The following EMC2 variants were observed in gnomAD, a reference collection of about 807,000 sequenced individuals.
EMC2 encodes the protein ER membrane protein complex subunit 2.
In EMC2, 37 loss-of-function variants were observed where a neutral mutation model predicts 51.6. The ratio of observed to expected loss-of-function variants is 0.72; its 90% CI spans 0.55 to 0.94. EMC2 has a LOEUF of 0.94. Ranked by LOEUF, EMC2 falls within the 40% of genes least tolerant of loss-of-function variation. The pLI is 0.00. For synonymous variants in EMC2, 131 were observed against 112.4 expected, an observed-to-expected ratio of 1.17 and a Z score of -1.04; for missense variants, 359 against 350.9, an observed-to-expected ratio of 1.02 and a Z score of -0.18.
At chr8:108,448,660 C>A (rs1251192684) in intron 1 of EMC2, among the ~76,000 whole-genome samples, 1 of 152,144 alleles carries the variant, frequency 6.6e-6, no homozygotes, top group Non-Finnish European at 1.5e-5. Flanking sequence ...TCCAGTTAAA[C>A]CTCTTTCTTT....
At chr8:108,459,224 ATCT>A (rs895855188) in intron 5 of EMC2, among the ~76,000 whole-genome samples, 4 of 152,266 alleles carry the variant, frequency 2.6e-5, no homozygotes, top group South Asian at 4.2e-4. Flanking sequence ...ACATTTTCCC[ATCT>A]TCTTCTGACC....
intron 10 of EMC2, among the ~76,000 whole-genome samples, chr8:108,482,367 TTCTTACTTTTTTGCTCATATGA>T (rs1396177464): frequency 5.3e-4 from 81 of 152,300 alleles, no homozygotes; most frequent in African/African-American, 1.8e-3. Flanking sequence ...TATGTATAAC[TTCTTACTTTTTTGCTCATATGA>T]TCTTGATGAA....
intron 5 of EMC2, among the ~76,000 whole-genome samples, chr8:108,462,188 G>A (rs1011546913): frequency 6.6e-6 from 1 of 151,666 alleles, no homozygotes; most frequent in Non-Finnish European, 1.5e-5. Flanking sequence ...GTGTGTGTGT[G>A]TGTTTGTGTG....
chr8:108,460,451 G>A (rs949098172), intron 5 of EMC2, among the ~76,000 whole-genome samples: 18 of 152,124 alleles, frequency 1.2e-4, no homozygotes, highest in African/African-American at 4.1e-4. Context: ...AATCCAAAGT[G>A]CCTCAAAATT....
intron 5 of EMC2, among the ~76,000 whole-genome samples, chr8:108,466,442 A>ATTTTT (rs869102478): frequency 1.1e-5 from 1 of 91,036 alleles, no homozygotes; most frequent in South Asian, 4.2e-4. Context: ...CTATGATAGA[A>ATTTTT]TTTTTTTTTT....
intron 5 of EMC2, among the ~76,000 whole-genome samples, chr8:108,457,753 G>A (rs964165710): frequency 2.0e-5 from 3 of 152,182 alleles, no homozygotes; most frequent in Non-Finnish European, 4.4e-5. Context: ...AGATTTGGGT[G>A]AGGACACAGT....
rs763273610 is a variant in EMC2, at chr8:108,475,953, A to G, written c.581A>G (p.Gln194Arg). The G allele has an allele frequency of 1.9e-6, 3 of 1,566,634 alleles. No individual in the cohort carries two copies. In the South Asian group the frequency reaches 3.5e-5, roughly 18 times the overall value. Residue 194 changes from glutamine (Q) to arginine (R), a missense_variant, in exon 8 of 11, where the codon CAG (glutamine) becomes CGG (arginine). By Grantham distance (43) the Gln-to-Arg change is conservative (BLOSUM62 1). Coordinates refer to ENST00000220853, the MANE Select transcript of EMC2 (RefSeq NM_014673.5). The part of the protein sequence containing the change: ...TNPHNHLYCQ[Q>R]YAEVKYTQGG... Reference sequence around the variant, plus strand: ...CCACACAACCACTTATACTGTCAGCAGTATGCTGAAGTAAGTGTTTTCAGA... The same window carrying G: ...CCACACAACCACTTATACTGTCAGCGGTATGCTGAAGTAAGTGTTTTCAGA...
chr8:108,468,865 C>A (rs1272786970), intron 5 of EMC2, among the ~76,000 whole-genome samples: 1 of 152,130 alleles, frequency 6.6e-6, no homozygotes, highest in African/African-American at 2.4e-5. Context: ...TTACTTCAGC[C>A]AGTACTGCTT....
chr8:108,475,710 A>G, intron 7 of EMC2, 172 bp from the exon 8 acceptor site: 1 of 523,628 alleles, frequency 1.9e-6, no homozygotes, highest in Non-Finnish European at 3.4e-6. Flanking sequence ...ATTTAATGTC[A>G]TTGATATTTA....
chr8:108,457,401 C>G (rs1023824018), intron 5 of EMC2, among the ~76,000 whole-genome samples: 81 of 149,520 alleles, frequency 5.4e-4, no homozygotes, highest in African/African-American at 1.9e-3. Flanking sequence ...TTCATGCTGT[C>G]TATGTATTAG....
intron 5 of EMC2, among the ~76,000 whole-genome samples, chr8:108,466,390 C>G (rs1819465430): frequency 6.9e-6 from 1 of 145,678 alleles, no homozygotes; most frequent in Non-Finnish European, 1.5e-5. Flanking sequence ...TTTTAAAAAT[C>G]TAAGTATAAT....
At position 108,470,125 on chromosome 8, in the gene EMC2, A is replaced by T; in HGVS notation, c.509+4A>T. On this transcript the variant is annotated splice_donor_region_variant and intron_variant, in intron 7 of 10. Transcript: ENST00000220853. ...AACTTTACATCAATGAACATGAGTAAGTTATTAAACACACAACATTTTGTT... is the reference window on the plus strand; with the variant it reads ...AACTTTACATCAATGAACATGAGTATGTTATTAAACACACAACATTTTGTT... 1 of 1,604,720 alleles carries T rather than the reference A, an allele frequency of 6.2e-7. No homozygotes were observed. The highest frequency in any genetic ancestry group is 8.5e-7 in the Non-Finnish European group (1 of 1,172,154).
At chr8:108,482,405 G>A (rs969299593) in intron 10 of EMC2, among the ~76,000 whole-genome samples, 6 of 152,104 alleles carry the variant, frequency 3.9e-5, no homozygotes, top group Non-Finnish European at 8.8e-5. Flanking sequence ...ATGAATAGAA[G>A]TTCTGAAATG....
intron 5 of EMC2, among the ~76,000 whole-genome samples, chr8:108,468,618 C>T (rs963767787): frequency 3.3e-5 from 5 of 152,252 alleles, no homozygotes; most frequent in Non-Finnish European, 7.4e-5. Context: ...AAATCACTCT[C>T]TTACCACCCC....
intron 10 of EMC2, among the ~76,000 whole-genome samples, chr8:108,481,049 C>CA (rs1811036065): frequency 6.6e-6 from 1 of 152,106 alleles, no homozygotes; most frequent in African/African-American, 2.4e-5. Context: ...CCTCCTACCA[C>CA]ACAGTTGTTA....
chr8:108,449,895 A>C lies in EMC2; in HGVS notation c.113A>C (p.Glu38Ala). 1 of 1,594,874 alleles carries C rather than the reference A, an allele frequency of 6.3e-7. No homozygotes were observed. The highest frequency in any genetic ancestry group is 8.6e-7 in the Non-Finnish European group (1 of 1,163,258). Reference sequence around the variant, plus strand: ...AGTGAGCAAATTGTGGAAGTTGGAGAAGAATTAATTAATGAATATGCTTCT... The same window carrying C: ...AGTGAGCAAATTGTGGAAGTTGGAGCAGAATTAATTAATGAATATGCTTCT... ...RNSEQIVEVG[E>A]ELINEYASKL... The change falls in exon 2 of 11, where the codon GAA becomes GCA. Residue 38 changes from glutamate to alanine, a missense_variant. Transcript: ENST00000220853.
chr8:108,453,814 A>G (rs1171727203), intron 4 of EMC2, among the ~76,000 whole-genome samples: 1 of 152,148 alleles, frequency 6.6e-6, no homozygotes, highest in East Asian at 1.9e-4. Flanking sequence ...ACAAAGGAGT[A>G]TGGAAGTCTC....
At chr8:108,477,327 A>T (rs1298872439) in intron 9 of EMC2, among the ~76,000 whole-genome samples, 1 of 151,940 alleles carries the variant, frequency 6.6e-6, no homozygotes, top group African/African-American at 2.4e-5. Flanking sequence ...GGTGTAGAAA[A>T]ACAGTTTGGA....
At chr8:108,466,068 T>C (rs1453878788) in intron 5 of EMC2, among the ~76,000 whole-genome samples, 1 of 152,220 alleles carries the variant, frequency 6.6e-6, no homozygotes, top group Non-Finnish European at 1.5e-5. Context: ...ATTATCCCAT[T>C]AATTGTCATC....
Sources: allele counts gnomAD v4.1 joint callset (sites outside exome capture counted in the v4.1 genomes callset), GRCh38; gene constraint gnomAD v4.1.1; transcripts MANE v1.5; gene names NCBI Gene and HGNC (gene_info 2026-07-23, HGNC 2026-07-21).